The following ZNF609 variants were observed in gnomAD, a reference collection of about 807,000 sequenced individuals.
ZNF609 encodes the protein zinc finger protein 609.
A neutral mutation model predicts 109.5 loss-of-function variants in ZNF609; 11 were observed. The observed-to-expected ratio is 0.10, with a 90% CI of 0.06 to 0.17. The LOEUF (loss-of-function observed/expected upper bound fraction) is 0.17. ZNF609 is among the 10% of genes least tolerant of loss of function. ZNF609 has a pLI of 1.00. For missense variants in ZNF609, 1,559 were observed against 1,772.4 expected (o/e 0.88, Z 2.16); for synonymous variants, 646 against 662.0 (o/e 0.98, Z 0.37).
At chr15:64,617,176 T>G (rs1426757919) in intron 2 of ZNF609, among the ~76,000 whole-genome samples, 1 of 151,958 alleles carries the variant, frequency 6.6e-6, no homozygotes, top group Non-Finnish European at 1.5e-5. Context: ...AGACTTTGTC[T>G]CTACAAAGTT....
chr15:64,590,905 A>G (rs946558217), intron 2 of ZNF609, among the ~76,000 whole-genome samples: 1 of 152,152 alleles, frequency 6.6e-6, no homozygotes, highest in African/African-American at 2.4e-5. Context: ...AAAAGTAGAA[A>G]ACTTTGTACA....
intron 2 of ZNF609, among the ~76,000 whole-genome samples, chr15:64,518,429 G>A (rs1191115310): frequency 3.3e-5 from 5 of 152,196 alleles, no homozygotes; most frequent in Admixed American, 1.3e-4. Context: ...GGAATAGAAT[G>A]GTAAGATGAG....
intron 2 of ZNF609, among the ~76,000 whole-genome samples, chr15:64,588,195 G>A (rs1327617016): frequency 9.3e-5 from 14 of 149,868 alleles, no homozygotes; most frequent in Admixed American, 3.3e-4. Context: ...TTGGGAGGCC[G>A]AGGCGGGCGG....
At chr15:64,629,188 C>T (rs1228704779) in intron 3 of ZNF609, among the ~76,000 whole-genome samples, 2 of 152,142 alleles carry the variant, frequency 1.3e-5, no homozygotes, top group East Asian at 3.8e-4. Context: ...TGTTGAGATT[C>T]AGGATGCTGA....
intron 1 of ZNF609, among the ~76,000 whole-genome samples, chr15:64,473,864 G>A (rs879404545): frequency 5.3e-5 from 8 of 149,820 alleles, no homozygotes; most frequent in African/African-American, 1.2e-4. Flanking sequence ...AACCTCTGCC[G>A]CCCAGGTTCA....
chr15:64,603,168 C>T (rs567237498), intron 2 of ZNF609, among the ~76,000 whole-genome samples: 2 of 151,984 alleles, frequency 1.3e-5, no homozygotes, highest in South Asian at 4.2e-4. Context: ...GTTGCTGTTG[C>T]TACTGTTGTG....
chr15:64,631,723 T>TA, intron 3 of ZNF609: 1 of 228,254 alleles, frequency 4.4e-6, no homozygotes. Context: ...TTTTTTTTTT[T>TA]AGTAGAGACG....
chr15:64,661,506 T>C (rs987456774), intron 3 of ZNF609, among the ~76,000 whole-genome samples: 2 of 152,168 alleles, frequency 1.3e-5, no homozygotes, highest in African/African-American at 2.4e-5. Context: ...TAGGGTATAG[T>C]TGTCAACATC....
chr15:64,612,308 C>A (rs1029147618), intron 2 of ZNF609, among the ~76,000 whole-genome samples: 1 of 151,534 alleles, frequency 6.6e-6, no homozygotes, highest in Admixed American at 6.6e-5. Flanking sequence ...CCACCACGCC[C>A]GGTTAATTTT....
chr15:64,675,479 T>C lies in ZNF609; in HGVS notation c.2625T>C (p.Ala875=), dbSNP rs1028681827. The C allele has an allele frequency of 5.0e-6, 8 of 1,614,136 alleles. No homozygotes were observed. The highest frequency in any genetic ancestry group is 6.8e-6 in the Non-Finnish European group (8 of 1,180,036). Residue 875 remains alanine (A), a synonymous_variant, in exon 5 of 10, where the codon GCT becomes GCC. Coordinates refer to ENST00000326648, the MANE Select transcript of ZNF609 (RefSeq NM_015042.2). The part of the protein sequence containing the change: ...KDAEQLVKEG[A]KKTLFPPQPQ... ...CCGAACAGTTGGTTAAAGAAGGGGC[T>C]AAGAAAACTCTTTTTCCCCCTCAGC...
intron 2 of ZNF609, among the ~76,000 whole-genome samples, chr15:64,609,953 A>G (rs1026156945): frequency 1.3e-5 from 2 of 151,904 alleles, no homozygotes; most frequent in Admixed American, 6.6e-5. Flanking sequence ...GCTTGAACCC[A>G]GGAGTCAGAG....
chr15:64,669,173 C>T (rs1896691260), intron 3 of ZNF609, among the ~76,000 whole-genome samples: 1 of 152,052 alleles, frequency 6.6e-6, no homozygotes, highest in Admixed American at 6.6e-5. Context: ...TTTGTGAGAA[C>T]TCCAAATACA....
At chr15:64,573,341 A>ACTTT (rs1555420092) in intron 2 of ZNF609, among the ~76,000 whole-genome samples, 3 of 73,556 alleles carry the variant, frequency 4.1e-5, no homozygotes, top group Admixed American at 1.8e-4. Context: ...TAGTGGCCCA[A>ACTTT]CTTTCTTTTT....
chr15:64,498,777 C>T (rs1347486870), intron 1 of ZNF609, among the ~76,000 whole-genome samples: 5 of 152,122 alleles, frequency 3.3e-5, no homozygotes, highest in African/African-American at 1.2e-4. Context: ...AACCATAAGA[C>T]TTTTCCTTCC....
At position 64,682,585 on chromosome 15, in the gene ZNF609, G is replaced by A. The variant is rs1567047653; in HGVS notation, c.*899G>A. 6.5e-6 allele frequency: 1 copy of A among 152,778 alleles called. No individual in the cohort carries two copies. Among genetic ancestry groups the A allele is most frequent in the Non-Finnish European group, 1.5e-5 (1 of 68,116 alleles). The allele number at this position is 152,778 out of a possible 1,614,324, so 9.5% of individuals were successfully genotyped here. On this transcript the variant is annotated 3_prime_UTR_variant, in exon 10 of 10. Transcript: ENST00000326648. ...CTTTCCCAGGGGGATCCCCACACTG[G>A]TCTTGCCTCTTCTTTTCCACTGCTT...
chr15:64,591,384 C>T (rs577095580), intron 2 of ZNF609, among the ~76,000 whole-genome samples: 46 of 152,088 alleles, frequency 3.0e-4, no homozygotes, highest in African/African-American at 7.7e-4. Flanking sequence ...GCCAAGATCG[C>T]GCCACTGCAC....
intron 1 of ZNF609, among the ~76,000 whole-genome samples, chr15:64,482,001 T>A (rs1314165068): frequency 6.6e-6 from 1 of 152,142 alleles, no homozygotes; most frequent in Non-Finnish European, 1.5e-5. Context: ...ATCAGGCTGG[T>A]CTCGAACTCC....
At chr15:64,625,356 T>TA (rs1157224139) in intron 3 of ZNF609, among the ~76,000 whole-genome samples, 1 of 151,622 alleles carries the variant, frequency 6.6e-6, no homozygotes. Context: ...CTATCTCTAC[T>TA]AAAAATACAA....
In ZNF609 at chr15:64,534,441, A is replaced by G. The variant is rs374519675; in HGVS notation, c.747+34275A>G. Among the ~76,000 whole-genome samples the G allele has an allele frequency of 7.5e-3, 1,144 of 152,038 alleles. 148 individuals are homozygous for G. In the South Asian group the frequency reaches 0.23, roughly 30 times the overall value. On this transcript the variant is annotated intron_variant, in intron 2 of 9. Transcript: ENST00000326648. ...GCGATTCTCCTGCCTCAGCCTCCCA[A>G]GTAGCTGGGATTGTAGGCATGCGCC... is the stretch of plus-strand genomic sequence containing the variant.
Sources: gnomAD v4.1 joint callset for allele counts (sites outside exome capture counted in the v4.1 genomes callset) on GRCh38, gnomAD v4.1.1 for gene constraint, MANE v1.5 for transcripts, NCBI Gene and HGNC (gene_info 2026-07-23, HGNC 2026-07-21) for gene names.